The following SNRPA1 variants were observed in gnomAD, a reference collection of about 807,000 sequenced individuals.
SNRPA1 encodes small nuclear ribonucleoprotein polypeptide A', also known as U2 small nuclear ribonucleoprotein A'.
A neutral mutation model predicts 32.3 loss-of-function variants in SNRPA1; 5 were observed. The observed-to-expected ratio is 0.15, with a 90% confidence interval of 0.08 to 0.33. SNRPA1 has a LOEUF of 0.33. SNRPA1 is among the 10% of genes least tolerant of loss of function. The probability of loss-of-function intolerance (pLI) is 1.00; values close to 1 mark genes in which losing one functional copy is unlikely to be tolerated. For missense variants in SNRPA1, 198 were observed against 311.1 expected (o/e 0.64, Z 2.74); for synonymous variants, 111 against 120.1 (o/e 0.92, Z 0.50).
At position 101,284,950 on chromosome 15, in the gene SNRPA1, G is replaced by A; in HGVS notation, c.709+17C>T. On this transcript the variant is annotated intron_variant, in intron 8 of 8. Coordinates refer to ENST00000254193, the MANE Select transcript of SNRPA1 (RefSeq NM_003090.4). ...TGTAACATTAATTTGAACATACAAA[G>A]AACACCATTTGTTCACCTGATCTGC... The A allele has an allele frequency of 6.3e-7, 1 of 1,589,180 alleles. No individual in the cohort carries two copies. The highest frequency in any genetic ancestry group is 1.1e-5 in the South Asian group (1 of 90,604).
chr15:101,291,031 C>T (rs2039520484), intron 3 of SNRPA1, among the ~76,000 whole-genome samples: 1 of 152,104 alleles, frequency 6.6e-6, no homozygotes, highest in African/African-American at 2.4e-5. Flanking sequence ...TGAGCCACTG[C>T]ACCCGGCTTT....
chr15:101,292,771 G>A, intron 2 of SNRPA1: 1 of 273,998 alleles, frequency 3.6e-6, no homozygotes, highest in East Asian at 6.6e-5. Context: ...ATACAAGTAA[G>A]ACTAGACTAA....
At chr15:101,283,915 G>T (rs187876147) in intron 8 of SNRPA1, among the ~76,000 whole-genome samples, 283 of 152,350 alleles carry the variant, frequency 1.9e-3, no homozygotes, top group Middle Eastern at 0.014. Context: ...ACTCCAGCCT[G>T]GGCAAAAAGA....
At chr15:101,289,932 A>AAAAAAAAAAAAAAAAAAG (rs2039502218) in intron 3 of SNRPA1, 1 of 151,226 alleles carries the variant, frequency 6.6e-6, no homozygotes, top group Non-Finnish European at 1.5e-5. Flanking sequence ...TCTCAAAAAA[A>AAAAAAAAAAAAAAAAAAG]AAAAAAAAAA....
rs140556911 is a variant in SNRPA1 at position 101,289,038 on chromosome 15, G to A, written c.310-1336C>T. 1.8e-4 allele frequency among the ~76,000 whole-genome samples: 27 copies of A among 152,286 alleles called. No individual in the cohort carries two copies. In the East Asian group the frequency reaches 5.2e-3, roughly 29 times the overall value. On this transcript the variant is annotated intron_variant, in intron 3 of 8. Transcript: ENST00000254193. ...AAAAGTACAGATAAAAACAGGGAGA[G>A]CAGAGCCAGAAATTCTCAAAAAGCA...
chr15:101,287,084 A>T (rs1215159337), intron 4 of SNRPA1, 74 bp from the exon 5 acceptor site: 1 of 676,726 alleles, frequency 1.5e-6, no homozygotes, highest in Non-Finnish European at 2.6e-6. Flanking sequence ...TGAATAGTCT[A>T]AGGAACCTAT....
intron 8 of SNRPA1, 79 bp downstream of exon 8, chr15:101,284,888 G>A (rs754647839): frequency 4.8e-6 from 5 of 1,037,550 alleles, no homozygotes; most frequent in Non-Finnish European, 7.6e-6. Context: ...GCATTCCAGA[G>A]TCATGGCATC....
intron 8 of SNRPA1, among the ~76,000 whole-genome samples, chr15:101,282,537 C>T (rs1031692539): frequency 1.3e-5 from 2 of 152,208 alleles, no homozygotes; most frequent in Non-Finnish European, 2.9e-5. Context: ...CAAATGGTAG[C>T]TTCCTCAAGG....
chr15:101,282,392 G>A (rs2039406023), intron 8 of SNRPA1, among the ~76,000 whole-genome samples: 1 of 152,212 alleles, frequency 6.6e-6, no homozygotes, highest in Non-Finnish European at 1.5e-5. Context: ...TCCATCCTGT[G>A]CAATACGGCA....
rs768377612 is a variant in SNRPA1, at chr15:101,281,689, C to T, written c.*35G>A. 2 of 1,511,504 alleles carry T rather than the reference C, an allele frequency of 1.3e-6. No homozygotes were observed. Among genetic ancestry groups the T allele is most frequent in the Non-Finnish European group, 1.8e-6 (2 of 1,086,434 alleles). 93.6% of individuals were successfully genotyped at this position (1,511,504 alleles called of 1,614,324 possible). The stretch of plus-strand genomic sequence containing the variant: ...CATGTTCGAAAAGCAAGACTTGTTC[C>T]AAGAGGGCCTATTATTATACATCTG... On this transcript the variant is annotated 3_prime_UTR_variant, in exon 9 of 9. Transcript: ENST00000254193.
intron 3 of SNRPA1, chr15:101,289,779 A>C (rs919219998): frequency 2.6e-4 from 39 of 151,948 alleles, no homozygotes; most frequent in African/African-American, 8.0e-4. Context: ...AAAAAAAAAA[A>C]AATACAAAAA....
In SNRPA1 at chr15:101,295,235, A is replaced by T. The variant is rs989535201; in HGVS notation, c.-57T>A. The T allele has an allele frequency of 7.0e-7, 1 of 1,423,340 alleles. No individual in the cohort carries two copies. Among genetic ancestry groups the T allele is most frequent in the East Asian group, 3.0e-5 (1 of 33,770 alleles). 88.2% of individuals were successfully genotyped at this position (1,423,340 alleles called of 1,614,324 possible). ...AAGCCCGTGGCCTCCCGCCAGCGAG[A>T]CGTCCCAGCGTGCCCCGCGCCCCGC... On this transcript the variant is annotated 5_prime_UTR_variant, in exon 1 of 9. Coordinates refer to ENST00000254193, the MANE Select transcript of SNRPA1 (RefSeq NM_003090.4).
Position 101,295,224 on chromosome 15 carries a change from C to G in SNRPA1, c.-46G>C. 2.0e-6 allele frequency: 3 copies of G among 1,470,404 alleles called. No individual in the cohort carries two copies. The highest frequency in any genetic ancestry group is 2.7e-6 in the Non-Finnish European group (3 of 1,107,120). 91.1% of individuals were successfully genotyped at this position (1,470,404 alleles called of 1,614,324 possible). A position where few individuals can be genotyped will look rare whatever the true frequency, so the allele number is the denominator to read the frequency against. On this transcript the variant is annotated 5_prime_UTR_variant, in exon 1 of 9. Transcript: ENST00000254193. Reference sequence around the variant, plus strand: ...CGCGCTGTGGAAAGCCCGTGGCCTCCCGCCAGCGAGACGTCCCAGCGTGCC... The same window carrying G: ...CGCGCTGTGGAAAGCCCGTGGCCTCGCGCCAGCGAGACGTCCCAGCGTGCC...
At chr15:101,287,311 T>C (rs2141308755) in intron 4 of SNRPA1, among the ~76,000 whole-genome samples, 1 of 152,282 alleles carries the variant, frequency 6.6e-6, no homozygotes, top group African/African-American at 2.4e-5. Context: ...ATTAGGTATA[T>C]CTCCTAATGC....
chr15:101,292,606 CAG>C (rs978850853), intron 2 of SNRPA1, among the ~76,000 whole-genome samples: 1 of 147,142 alleles, frequency 6.8e-6, no homozygotes, highest in African/African-American at 2.5e-5. Context: ...AAAAAAAAAG[CAG>C]AGACGCTCAG....
intron 8 of SNRPA1, among the ~76,000 whole-genome samples, chr15:101,284,566 G>A (rs537759685): frequency 7.5e-4 from 113 of 149,694 alleles, no homozygotes; most frequent in African/African-American, 2.6e-3. Flanking sequence ...ACAAAAGTGC[G>A]ATCTCGGCTC....
chr15:101,281,818 T>G, intron 8 of SNRPA1, 36 bp from the exon 9 acceptor site: 1 of 1,599,396 alleles, frequency 6.3e-7, no homozygotes, highest in Non-Finnish European at 8.6e-7. Flanking sequence ...TAGTATCAAT[T>G]TTAGAGAATC....
intron 6 of SNRPA1, 94 bp from the exon 7 acceptor site, chr15:101,285,895 G>T: frequency 1.1e-6 from 1 of 905,094 alleles, no homozygotes. Context: ...TTCAACCAGT[G>T]TAGTATCTTA....
chr15:101,283,148 A>T (rs1454266034), intron 8 of SNRPA1, among the ~76,000 whole-genome samples: 1 of 152,232 alleles, frequency 6.6e-6, no homozygotes, highest in Non-Finnish European at 1.5e-5. Flanking sequence ...GCTATTATTT[A>T]GGCTGCTGCC....
Sources: allele counts gnomAD v4.1 joint callset (sites outside exome capture counted in the v4.1 genomes callset), GRCh38; gene constraint gnomAD v4.1.1; transcripts MANE v1.5; gene names NCBI Gene and HGNC (gene_info 2026-07-23, HGNC 2026-07-21).